Variants in PTER observed in about 807,000 individuals in gnomAD.
PTER encodes the protein N-acetyltaurine hydrolase.
PTER carries 38 observed loss-of-function variants against 29.6 expected under a neutral mutation model. That is an observed-to-expected ratio of 1.28 (90% CI 0.99 to 1.68). The LOEUF is 1.68. Ranked by LOEUF, PTER falls within the 40% of genes most tolerant of loss-of-function variation. The pLI is 0.00. For missense variants in PTER, 482 were observed against 427.8 expected, an observed-to-expected ratio of 1.13 and a Z score of -1.12; for synonymous variants, 172 against 154.5, an observed-to-expected ratio of 1.11 and a Z score of -0.84.
intron 1 of PTER, among the ~76,000 whole-genome samples, chr10:16,450,084 C>T (rs553177028): frequency 1.1e-4 from 17 of 152,322 alleles, no homozygotes; most frequent in South Asian, 1.0e-3. Flanking sequence ...TATCCATTCC[C>T]ATGCCTGTTC....
chr10:16,462,934 C>CTGTA (rs925619936), intron 1 of PTER, among the ~76,000 whole-genome samples: 17 of 151,604 alleles, frequency 1.1e-4, no homozygotes, highest in African/African-American at 4.1e-4. Context: ...TGAGTCACGC[C>CTGTA]TGTAACCCCA....
chr10:16,470,983 T>C (rs887696488), intron 1 of PTER, among the ~76,000 whole-genome samples: 1 of 151,862 alleles, frequency 6.6e-6, no homozygotes, highest in South Asian at 2.1e-4. Flanking sequence ...CTCATATGAG[T>C]GTGTTCAGAT....
intron 3 of PTER, among the ~76,000 whole-genome samples, chr10:16,493,527 C>A (rs1835981005): frequency 6.6e-6 from 1 of 152,056 alleles, no homozygotes. Context: ...GCCTTGGCCT[C>A]CCAAAATGCT....
chr10:16,470,665 G>T (rs542118831), intron 1 of PTER, among the ~76,000 whole-genome samples: 157 of 152,236 alleles, frequency 1.0e-3, no homozygotes, highest in African/African-American at 3.7e-3. Flanking sequence ...CTACTTGGGA[G>T]GCTGAGGCAG....
chr10:16,438,743 C>T (rs10904740), intron 1 of PTER, among the ~76,000 whole-genome samples: 18,544 of 150,986 alleles, frequency 0.12, 1,763 homozygotes, highest in African/African-American at 0.25. Flanking sequence ...GCCTGGCCAA[C>T]ATGTGAAACC....
intron 1 of PTER, among the ~76,000 whole-genome samples, chr10:16,466,350 G>C (rs572110013): frequency 6.6e-6 from 1 of 151,516 alleles, no homozygotes. Context: ...TCTAAAAACA[G>C]GTATCTGCAC....
intron 1 of PTER, among the ~76,000 whole-genome samples, chr10:16,440,157 C>T (rs1481726542): frequency 6.6e-6 from 1 of 151,364 alleles, no homozygotes; most frequent in Non-Finnish European, 1.5e-5. Flanking sequence ...CCTCTGCCTC[C>T]CAGGTTTAAG....
rs56800279 is a variant in PTER at position 16,508,070 on chromosome 10, CTTTTTTTT to C, written c.839+2919_839+2926del. Among the ~76,000 whole-genome samples the C allele has an allele frequency of 1.1e-4, 14 of 127,860 alleles. No individual in the cohort carries two copies. The East Asian group carries it at 3.2e-3, about 29-fold the overall frequency. 83.9% of individuals were successfully genotyped at this position (127,860 alleles called of 152,430 possible). Reference sequence around the variant, plus strand: ...ATTTCTTTTTTCTTTTTTTCTTTTTCTTTTTTTTTTTTTTTTGAGATGGAGACTTGCTC... The same window carrying C: ...ATTTCTTTTTTCTTTTTTTCTTTTTCTTTTTTTTGAGATGGAGACTTGCTC... On this transcript the variant is annotated intron_variant, in intron 4 of 4. Transcript: ENST00000535784.
intron 3 of PTER, among the ~76,000 whole-genome samples, chr10:16,498,887 C>A (rs2133484795): frequency 6.6e-6 from 1 of 152,334 alleles, no homozygotes; most frequent in South Asian, 2.1e-4. Context: ...ATGTCAATTT[C>A]ACATGGGTAA....
chr10:16,476,902 T>TC (rs752273201), intron 1 of PTER, among the ~76,000 whole-genome samples: 1,592 of 116,138 alleles, frequency 0.014, 97 homozygotes, highest in African/African-American at 0.049. Context: ...CCTAGAATTC[T>TC]TTTTTTTTTT....
chr10:16,516,317 A>G (rs1463939574), downstream of PTER, among the ~76,000 whole-genome samples: 1 of 152,194 alleles, frequency 6.6e-6, no homozygotes, highest in Non-Finnish European at 1.5e-5. Flanking sequence ...AATATTTTCT[A>G]AAGATTAATC....
At chr10:16,488,540 C>A (rs1367408392) in intron 3 of PTER, among the ~76,000 whole-genome samples, 2 of 151,574 alleles carry the variant, frequency 1.3e-5, no homozygotes, top group Admixed American at 6.6e-5. Flanking sequence ...TCTATTAGAA[C>A]ATAATCATTT....
chr10:16,507,733 A>G (rs531666443), intron 4 of PTER, among the ~76,000 whole-genome samples: 10 of 152,358 alleles, frequency 6.6e-5, no homozygotes, highest in Admixed American at 4.6e-4. Context: ...TCAACTCTAC[A>G]TGAGCAAATG....
chr10:16,507,870 T>A (rs540011552), intron 4 of PTER, among the ~76,000 whole-genome samples: 1 of 152,166 alleles, frequency 6.6e-6, no homozygotes, highest in East Asian at 1.9e-4. Context: ...AGGAACCCGA[T>A]TCAATACAGG....
At chr10:16,504,176 G>C (rs569451976) in intron 3 of PTER, among the ~76,000 whole-genome samples, 1 of 151,774 alleles carries the variant, frequency 6.6e-6, no homozygotes, top group South Asian at 2.1e-4. Flanking sequence ...CTCTACAGTG[G>C]TATTTTGGGG....
chr10:16,458,658 T>C (rs530043632), intron 1 of PTER, among the ~76,000 whole-genome samples: 22 of 152,300 alleles, frequency 1.4e-4, no homozygotes, highest in African/African-American at 5.1e-4. Context: ...AAGGAGTGCA[T>C]GGCGAGTGTA....
At chr10:16,474,624 AC>A (rs1835188869) in intron 1 of PTER, among the ~76,000 whole-genome samples, 1 of 152,106 alleles carries the variant, frequency 6.6e-6, no homozygotes, top group Non-Finnish European at 1.5e-5. Flanking sequence ...TTCGTGGGTG[AC>A]AACTGTAATC....
chr10:16,470,859 T>C (rs1218318016), intron 1 of PTER, among the ~76,000 whole-genome samples: 1 of 152,244 alleles, frequency 6.6e-6, no homozygotes, highest in Non-Finnish European at 1.5e-5. Context: ...TTACTTACAA[T>C]TTATTGTTCT....
At chr10:16,505,344 G>A (rs1836521869) in intron 4 of PTER, among the ~76,000 whole-genome samples, 184 bp downstream of exon 4, 1 of 152,124 alleles carries the variant, frequency 6.6e-6, no homozygotes, top group African/African-American at 2.4e-5. Flanking sequence ...AGGAGAAAAT[G>A]AGTCATCCTA....
Sources: allele counts gnomAD v4.1 joint callset (sites outside exome capture counted in the v4.1 genomes callset), GRCh38; gene constraint gnomAD v4.1.1; transcripts MANE v1.5; gene names NCBI Gene and HGNC (gene_info 2026-07-23, HGNC 2026-07-21).